Variants in TXNRD1 observed in about 807,000 individuals in gnomAD.
TXNRD1 encodes the protein thioredoxin reductase 1.
In TXNRD1, 57 loss-of-function variants were observed where a neutral mutation model predicts 80.3. The ratio of observed to expected loss-of-function variants is 0.71; its 90% confidence interval spans 0.57 to 0.89. The LOEUF is 0.89. Among genes scored for constraint, TXNRD1 ranks in the 40% least tolerant of loss-of-function variants. TXNRD1 has a pLI of 0.00. For missense variants in TXNRD1, 730 were observed against 803.0 expected, an observed-to-expected ratio of 0.91 and a Z score of 1.10; for synonymous variants, 291 against 285.2, an observed-to-expected ratio of 1.02 and a Z score of -0.20.
chr12:104,215,975 C>G (rs1309889384), intron 1 of TXNRD1, 82 bp downstream of exon 1: 2 of 1,230,866 alleles, frequency 1.6e-6, no homozygotes, highest in Non-Finnish European at 2.3e-6. Flanking sequence ...TAAAGTGCCC[C>G]GGAGCCCTGG....
rs1240657169 is a variant in TXNRD1 at position 104,327,543 on chromosome 12, G to A, written c.1414G>A (p.Glu472Lys). The A allele has an allele frequency of 1.2e-6, 2 of 1,613,536 alleles. No individual in the cohort carries two copies. The highest frequency in any genetic ancestry group is 1.7e-5 in the Admixed American group (1 of 59,962). The change falls in exon 13 of 17, where the codon GAA (glutamate) becomes AAA (lysine). Residue 472 changes from glutamate to lysine, a missense_variant. Transcript: ENST00000525566. The part of the protein sequence containing the change: ...KTGKIPVTDE[E>K]QTNVPYIYAI... ...TGGAAAAATACCTGTCACAGATGAA[G>A]AACAGACCAATGTGCCTTACATCTA...
chr12:104,304,493 G>C (rs1436900097), intron 4 of TXNRD1: 1 of 1,613,930 alleles, frequency 6.2e-7, no homozygotes, highest in Non-Finnish European at 8.5e-7. Flanking sequence ...GCCCCGACTT[G>C]AACACCAGAA....
intron 10 of TXNRD1, among the ~76,000 whole-genome samples, chr12:104,323,456 C>G (rs1313974951): frequency 1.4e-5 from 2 of 140,256 alleles, no homozygotes; most frequent in Non-Finnish European, 3.1e-5. Flanking sequence ...CAGAGGGGCT[C>G]CTCACTTCCC....
chr12:104,320,014 ATTAGAGG>A (rs1285208496), intron 9 of TXNRD1, among the ~76,000 whole-genome samples: 17 of 152,366 alleles, frequency 1.1e-4, no homozygotes, highest in African/African-American at 4.1e-4. Flanking sequence ...TGCTAAAAGA[ATTAGAGG>A]CTGTCAGGCC....
chr12:104,300,833 A>G (rs981108120), intron 4 of TXNRD1, among the ~76,000 whole-genome samples: 3 of 152,088 alleles, frequency 2.0e-5, no homozygotes, highest in Admixed American at 2.0e-4. Flanking sequence ...TTTAGTAGAG[A>G]CGTGGTTTCT....
intron 4 of TXNRD1, chr12:104,309,820 A>G: frequency 3.3e-6 from 5 of 1,535,034 alleles, no homozygotes; most frequent in Non-Finnish European, 3.5e-6. Flanking sequence ...GGCTGTGTTT[A>G]CCAGCCTCTT....
chr12:104,287,369 G>A lies in TXNRD1; in HGVS notation c.305-1562G>A, dbSNP rs190960236. 3.6e-5 allele frequency: 58 copies of A among 1,614,064 alleles called. No individual in the cohort carries two copies. In the East Asian group the frequency reaches 1.2e-3, roughly 34 times the overall value. ...GTGGTAGGTGAGGCCGGCGCCTGTA[G>A]GCTGGCGGTTTCCTTCCTCTTGGTC... On this transcript the variant is annotated intron_variant, in intron 3 of 16. Transcript: ENST00000525566.
intron 1 of TXNRD1, among the ~76,000 whole-genome samples, chr12:104,217,592 G>T (rs1490852948): frequency 2.0e-5 from 3 of 152,180 alleles, no homozygotes; most frequent in Admixed American, 1.3e-4. Flanking sequence ...TTACAGGCAT[G>T]AGCCACTGCA....
At chr12:104,301,511 G>C (rs1336897671) in intron 4 of TXNRD1, among the ~76,000 whole-genome samples, 2 of 152,064 alleles carry the variant, frequency 1.3e-5, no homozygotes. Flanking sequence ...CTAATTTTTT[G>C]TATTTTTAGT....
At chr12:104,239,627 A>G (rs1192679952) in intron 1 of TXNRD1, among the ~76,000 whole-genome samples, 1 of 151,882 alleles carries the variant, frequency 6.6e-6, no homozygotes, top group African/African-American at 2.4e-5. Flanking sequence ...GATTACAGGT[A>G]TGTGCCACCA....
At chr12:104,309,357 A>C (rs1290059483) in intron 4 of TXNRD1, among the ~76,000 whole-genome samples, 1 of 152,200 alleles carries the variant, frequency 6.6e-6, no homozygotes, top group African/African-American at 2.4e-5. Context: ...TGAAGCTTGA[A>C]CCAGGAGAAG....
intron 1 of TXNRD1, among the ~76,000 whole-genome samples, chr12:104,222,501 G>T (rs112427269): frequency 1.4e-3 from 215 of 152,330 alleles, no homozygotes; most frequent in African/African-American, 5.0e-3. Context: ...AAGAAATGAT[G>T]AATTGAATTT....
At chr12:104,289,319 TTCCC>T (rs542502512) in intron 4 of TXNRD1, 276 of 303,276 alleles carry the variant, frequency 9.1e-4, no homozygotes, top group African/African-American at 4.6e-3. Flanking sequence ...CCCTTCCTCT[TTCCC>T]TCCCAGTTGT....
intron 2 of TXNRD1, among the ~76,000 whole-genome samples, chr12:104,252,662 T>TTATATA (rs869105935): frequency 1.1e-4 from 5 of 45,820 alleles, no homozygotes; most frequent in South Asian, 1.8e-3. Flanking sequence ...TTATTATTTT[T>TTATATA]TATATATATA....
At chr12:104,347,031 G>A (rs2036516093) in intron 16 of TXNRD1, among the ~76,000 whole-genome samples, 1 of 152,140 alleles carries the variant, frequency 6.6e-6, no homozygotes, top group Admixed American at 6.5e-5. Context: ...GGAGGCAGAG[G>A]TTGCAGTGAG....
chr12:104,330,584 AT>A (rs56777725), intron 13 of TXNRD1, among the ~76,000 whole-genome samples: 73,889 of 151,146 alleles, frequency 0.49, 18,468 homozygotes, highest in East Asian at 0.62. Flanking sequence ...CCTAATTGGG[AT>A]TTTTTTTTAC....
chr12:104,332,136 T>A lies in TXNRD1; in HGVS notation c.1650+495T>A, dbSNP rs576120327. 3.3e-4 allele frequency among the ~76,000 whole-genome samples: 51 copies of A among 152,324 alleles called. 2 individuals are homozygous for A. The South Asian group carries it at 0.01, about 30-fold the overall frequency. On this transcript the variant is annotated intron_variant, in intron 14 of 16. Transcript: ENST00000525566. ...CACTGCTCCTACCATTAGTACTACT[T>A]GTTTCTAGCATTACTCTCTAATTTG...
At chr12:104,339,742 C>T (rs11112000) in intron 16 of TXNRD1, among the ~76,000 whole-genome samples, 5 of 152,132 alleles carry the variant, frequency 3.3e-5, no homozygotes, top group Non-Finnish European at 7.4e-5. Flanking sequence ...AGTGTTTCTT[C>T]GCTACCAGTG....
At position 104,334,622 on chromosome 12, in the gene TXNRD1, G is replaced by A. The variant is rs1032524683; in HGVS notation, c.1746+290G>A. ...CCTGACCTCGTAATCTGCCTGTCTC[G>A]GCCTCCCAAGGTGCTGGAATGTACA... On this transcript the variant is annotated intron_variant, in intron 15 of 16. Coordinates refer to ENST00000525566, the MANE Select transcript of TXNRD1 (RefSeq NM_001093771.3). Among the ~76,000 whole-genome samples the A allele has an allele frequency of 3.9e-4, 60 of 152,156 alleles. 1 individual carries two copies. The highest frequency in any genetic ancestry group is 1.3e-3 in the African/African-American group (52 of 41,520).
Sources: gnomAD v4.1 joint callset for allele counts (sites outside exome capture counted in the v4.1 genomes callset) on GRCh38, gnomAD v4.1.1 for gene constraint, MANE v1.5 for transcripts, NCBI Gene and HGNC (gene_info 2026-07-23, HGNC 2026-07-21) for gene names.